The following FRY variants were observed in gnomAD, a reference collection of about 807,000 sequenced individuals.
FRY encodes protein furry homolog.
A neutral mutation model predicts 348.4 loss-of-function variants in FRY; 128 were observed. The ratio of observed to expected loss-of-function variants is 0.37; its 90% CI spans 0.32 to 0.43. FRY has a LOEUF of 0.43. FRY is among the 20% of genes least tolerant of loss of function. The pLI, the probability that FRY is intolerant of heterozygous loss-of-function variation, is 1.00. For missense variants in FRY, 2,736 were observed against 3,695.2 expected (o/e 0.74, Z 6.73); for synonymous variants, 1,370 against 1,374.7 (o/e 1.00, Z 0.08).
intron 11 of FRY, among the ~76,000 whole-genome samples, chr13:32,145,564 G>A (rs1326675393): frequency 5.2e-5 from 7 of 135,640 alleles, no homozygotes; most frequent in African/African-American, 2.0e-4. Flanking sequence ...TTGAGACGGA[G>A]TCTCGCTCTG....
intron 23 of FRY, among the ~76,000 whole-genome samples, chr13:32,181,949 T>A (rs1285355289): frequency 6.6e-6 from 1 of 152,212 alleles, no homozygotes; most frequent in African/African-American, 2.4e-5. Context: ...AAATTATCGA[T>A]GTTATTCCCA....
chr13:32,277,084 T>C (rs1888571083), intron 57 of FRY, among the ~76,000 whole-genome samples: 1 of 152,230 alleles, frequency 6.6e-6, no homozygotes, highest in South Asian at 2.1e-4. Flanking sequence ...GCAAGCCACC[T>C]GTTTTCTGAC....
At chr13:32,063,881 A>T (rs985168310) in intron 1 of FRY, among the ~76,000 whole-genome samples, 1 of 152,288 alleles carries the variant, frequency 6.6e-6, no homozygotes, top group Non-Finnish European at 1.5e-5. Context: ...TTCTGATGCG[A>T]GTCTTGGGTT....
At chr13:32,072,687 A>T (rs922892790) in intron 1 of FRY, among the ~76,000 whole-genome samples, 6 of 152,144 alleles carry the variant, frequency 3.9e-5, no homozygotes, top group African/African-American at 1.4e-4. Context: ...ATCACCCTTT[A>T]TGTTTTATGA....
intron 14 of FRY, among the ~76,000 whole-genome samples, chr13:32,150,625 G>A (rs1303222083): frequency 1.3e-5 from 2 of 152,160 alleles, no homozygotes; most frequent in Admixed American, 1.3e-4. Context: ...ATTAGGAAGA[G>A]TACATTACAA....
At position 32,093,495 on chromosome 13, in the gene FRY, G is replaced by A. The variant is rs1008809802; in HGVS notation, c.271-8468G>A. ...ATGTGGCTGATTACATCTTTTTGGC[G>A]TAACGTAATATATTCCTCTAACCCC... On this transcript the variant is annotated intron_variant, in intron 2 of 60. Coordinates refer to ENST00000542859, the MANE Select transcript of FRY (RefSeq NM_023037.3). 4.6e-5 allele frequency among the ~76,000 whole-genome samples: 7 copies of A among 152,016 alleles called. No individual in the cohort carries two copies. In the East Asian group the frequency reaches 5.8e-4, roughly 13 times the overall value.
chr13:32,166,133 C>G (rs1032796161), intron 17 of FRY, among the ~76,000 whole-genome samples: 1 of 152,226 alleles, frequency 6.6e-6, no homozygotes, highest in African/African-American at 2.4e-5. Flanking sequence ...ATTGGCAACA[C>G]TGGTTTCTTT....
intron 31 of FRY, 51 bp downstream of exon 31, chr13:32,202,578 G>C (rs146243953): frequency 3.0e-6 from 4 of 1,344,248 alleles, no homozygotes; most frequent in Admixed American, 3.4e-5. Flanking sequence ...TAATAATGAC[G>C]TATGTGATCA....
At chr13:32,282,159 C>T (rs529220397) in intron 58 of FRY, among the ~76,000 whole-genome samples, 2 of 152,242 alleles carry the variant, frequency 1.3e-5, no homozygotes, top group Admixed American at 1.3e-4. Flanking sequence ...TACCATTTGG[C>T]CTCCAACCCA....
chr13:32,258,560 C>A (rs1887457135), intron 51 of FRY, among the ~76,000 whole-genome samples: 1 of 151,834 alleles, frequency 6.6e-6, no homozygotes, highest in Non-Finnish European at 1.5e-5. Context: ...TTGCAGTGAG[C>A]CAAGATCATG....
intron 10 of FRY, among the ~76,000 whole-genome samples, chr13:32,135,763 G>T (rs1238762636): frequency 6.6e-6 from 1 of 152,196 alleles, no homozygotes; most frequent in African/African-American, 2.4e-5. Context: ...GGCGAGTGAT[G>T]TAACAGCTGT....
chr13:32,050,277 T>C (rs1278431145), intron 1 of FRY, among the ~76,000 whole-genome samples: 3 of 152,250 alleles, frequency 2.0e-5, no homozygotes, highest in African/African-American at 4.8e-5. Flanking sequence ...CTAAGTTGTC[T>C]AAGCACTTTT....
intron 21 of FRY, 51 bp downstream of exon 21, chr13:32,178,487 C>G: frequency 1.3e-6 from 2 of 1,592,418 alleles, no homozygotes; most frequent in South Asian, 2.2e-5. Context: ...CATTTGCCCT[C>G]TTAAATTTTC....
intron 11 of FRY, among the ~76,000 whole-genome samples, chr13:32,141,261 T>C (rs73167150): frequency 0.08 from 12,229 of 152,176 alleles, 614 homozygotes; most frequent in Admixed American, 0.13. Flanking sequence ...TATCCTAAAC[T>C]GTAGCAATAG....
chr13:32,192,032 G>A (rs1200433749), intron 28 of FRY, among the ~76,000 whole-genome samples: 2 of 152,130 alleles, frequency 1.3e-5, no homozygotes, highest in Non-Finnish European at 2.9e-5. Flanking sequence ...AGTCAAGATA[G>A]TGGTTTCTCC....
chr13:32,049,439 T>TTTTGTTTG (rs35111970), intron 1 of FRY, among the ~76,000 whole-genome samples: 5 of 151,202 alleles, frequency 3.3e-5, no homozygotes, highest in Admixed American at 6.6e-5. Flanking sequence ...CCATAGGTTT[T>TTTTGTTTG]TTTGTTTGTT....
chr13:32,110,742 TA>T (rs1877900003), intron 3 of FRY, among the ~76,000 whole-genome samples: 1 of 152,252 alleles, frequency 6.6e-6, no homozygotes, highest in African/African-American at 2.4e-5. Flanking sequence ...TACAATGTGT[TA>T]AATAATACCA....
intron 59 of FRY, among the ~76,000 whole-genome samples, chr13:32,291,124 A>G (rs1889328978): frequency 2.0e-5 from 3 of 152,110 alleles, no homozygotes; most frequent in African/African-American, 2.4e-5. Context: ...CAGTGACAGC[A>G]GAGAAGTGAG....
In FRY at chr13:32,209,736, G is replaced by C; in HGVS notation, c.4422+5G>C. The stretch of plus-strand genomic sequence containing the variant: ...GACACAGTTCTCCTACCCTATGTAA[G>C]TGTCTCTCAGCCCTTCAAGAGTGAT... On this transcript the variant is annotated splice_donor_5th_base_variant and intron_variant, in intron 33 of 60. Coordinates refer to ENST00000542859, the MANE Select transcript of FRY (RefSeq NM_023037.3). 6.2e-7 allele frequency: 1 copy of C among 1,614,008 alleles called. No homozygotes were observed.
Sources: allele counts gnomAD v4.1 joint callset (sites outside exome capture counted in the v4.1 genomes callset), GRCh38; gene constraint gnomAD v4.1.1; transcripts MANE v1.5; gene names NCBI Gene and HGNC (gene_info 2026-07-23, HGNC 2026-07-21).